The following TAB2 variants were observed in gnomAD, a reference collection of about 807,000 sequenced individuals.
TAB2 encodes TGF-beta activated kinase 1 (MAP3K7) binding protein 2, also known as TGF-beta-activated kinase 1 and MAP3K7-binding protein 2.
In TAB2, 3 loss-of-function variants were observed where a neutral mutation model predicts 65.0. That is an observed-to-expected ratio of 0.05 (90% confidence interval 0.02 to 0.12). The LOEUF (loss-of-function observed/expected upper bound fraction) is 0.12. TAB2 is among the 10% of genes least tolerant of loss of function. The probability of loss-of-function intolerance (pLI) is 1.00; values close to 1 mark genes in which losing one functional copy is unlikely to be tolerated. For synonymous variants in TAB2, 298 were observed against 285.1 expected (o/e 1.05, Z -0.46); for missense variants, 623 against 840.3 (o/e 0.74, Z 3.20).
At chr6:149,398,127 C>A in intron 5 of TAB2, 65 bp downstream of exon 5, 2 of 1,312,282 alleles carry the variant, frequency 1.5e-6, no homozygotes, top group Non-Finnish European at 2.2e-6. Context: ...TTTTCTGTGG[C>A]TAAAAACAGA....
At chr6:149,286,474 T>G (rs946922163) in intron 1 of TAB2, among the ~76,000 whole-genome samples, 2 of 152,218 alleles carry the variant, frequency 1.3e-5, no homozygotes, top group Non-Finnish European at 2.9e-5. Context: ...CCCATCATCT[T>G]TTGAAGCACT....
intron 1 of TAB2, among the ~76,000 whole-genome samples, chr6:149,256,100 A>G (rs1778026570): frequency 6.6e-6 from 1 of 152,246 alleles, no homozygotes; most frequent in Non-Finnish European, 1.5e-5. Flanking sequence ...AGACACTTCC[A>G]GAAAAGAACT....
At chr6:149,234,458 C>G (rs1336323012) in intron 1 of TAB2, among the ~76,000 whole-genome samples, 1 of 152,128 alleles carries the variant, frequency 6.6e-6, no homozygotes, top group East Asian at 1.9e-4. Context: ...TCACCCCGAG[C>G]TACTCACTGC....
intron 3 of TAB2, among the ~76,000 whole-genome samples, chr6:149,387,426 G>A (rs551246507): frequency 7.9e-5 from 12 of 152,228 alleles, no homozygotes; most frequent in Admixed American, 2.6e-4. Flanking sequence ...CCATAAATGC[G>A]TGGGTTCATT....
intron 1 of TAB2, chr6:149,321,186 C>T (rs1408685128): frequency 1.3e-5 from 2 of 152,138 alleles, no homozygotes; most frequent in Non-Finnish European, 2.9e-5. Flanking sequence ...CTATATATGT[C>T]ATCTTATTTA....
At chr6:149,364,122 T>A (rs1270666543) in intron 1 of TAB2, among the ~76,000 whole-genome samples, 1 of 152,220 alleles carries the variant, frequency 6.6e-6, no homozygotes, top group African/African-American at 2.4e-5. Flanking sequence ...TACCATTTCC[T>A]GGCTGAACTA....
Position 149,296,905 on chromosome 6 carries a change from T to C in TAB2, c.-121+78129T>C, listed in dbSNP as rs569225274. 2.6e-5 allele frequency among the ~76,000 whole-genome samples: 4 copies of C among 152,332 alleles called. No individual in the cohort carries two copies. The South Asian group carries it at 8.3e-4, about 32-fold the overall frequency. Reference sequence around the variant, plus strand: ...TTTTCATTATAGCACATTGTTATAATATCTTCTATTTTTTCCCTCTTGTTC... The same window carrying C: ...TTTTCATTATAGCACATTGTTATAACATCTTCTATTTTTTCCCTCTTGTTC... On this transcript the variant is annotated intron_variant, in intron 1 of 1. Coordinates refer to the TAB2 transcript ENST00000606202.
intron 1 of TAB2, among the ~76,000 whole-genome samples, chr6:149,286,770 A>G (rs1230681707): frequency 2.0e-5 from 3 of 152,228 alleles, no homozygotes; most frequent in Non-Finnish European, 4.4e-5. Context: ...AAGAATTATT[A>G]GCAGCACGAG....
At chr6:149,228,536 A>T (rs1777332777) in intron 1 of TAB2, among the ~76,000 whole-genome samples, 1 of 152,136 alleles carries the variant, frequency 6.6e-6, no homozygotes, top group Non-Finnish European at 1.5e-5. Context: ...GCTGCTACCC[A>T]CTGGCACCAC....
intron 1 of TAB2, among the ~76,000 whole-genome samples, chr6:149,224,406 A>G (rs1004693664): frequency 6.6e-6 from 1 of 152,198 alleles, no homozygotes; most frequent in African/African-American, 2.4e-5. Flanking sequence ...TCCTGGATCA[A>G]GTCAAATGGC....
chr6:149,404,684 G>C (rs1437690335), intron 6 of TAB2, among the ~76,000 whole-genome samples: 1 of 152,134 alleles, frequency 6.6e-6, no homozygotes, highest in Non-Finnish European at 1.5e-5. Flanking sequence ...TGGGGAAAGG[G>C]TAGTCTCTTC....
chr6:149,396,838 C>T (rs1782187971), intron 3 of TAB2, among the ~76,000 whole-genome samples: 3 of 152,246 alleles, frequency 2.0e-5, no homozygotes, highest in South Asian at 4.2e-4. Flanking sequence ...ATCAATCTGC[C>T]TGTTTTATTT....
intron 1 of TAB2, among the ~76,000 whole-genome samples, chr6:149,298,163 A>C (rs796328123): frequency 4.6e-5 from 7 of 152,346 alleles, no homozygotes; most frequent in African/African-American, 1.7e-4. Context: ...GATTATATTC[A>C]AAGCTACAAT....
chr6:149,279,352 T>C (rs1234702185), intron 1 of TAB2, among the ~76,000 whole-genome samples: 1 of 152,184 alleles, frequency 6.6e-6, no homozygotes, highest in Non-Finnish European at 1.5e-5. Context: ...CCTTAAATGT[T>C]GGTATTATCC....
chr6:149,374,799 A>T (rs1031201618), intron 2 of TAB2, among the ~76,000 whole-genome samples: 4 of 152,160 alleles, frequency 2.6e-5, no homozygotes, highest in African/African-American at 9.7e-5. Context: ...AATGAAATGC[A>T]GGGGAAATTG....
intron 1 of TAB2, among the ~76,000 whole-genome samples, chr6:149,280,489 A>C (rs563495556): frequency 6.6e-6 from 1 of 152,284 alleles, no homozygotes; most frequent in South Asian, 2.1e-4. Context: ...TCTCAAATAG[A>C]ATAACGCTGA....
At chr6:149,405,232 T>C (rs1472678545) in intron 6 of TAB2, among the ~76,000 whole-genome samples, 6 of 152,196 alleles carry the variant, frequency 3.9e-5, no homozygotes, top group East Asian at 1.9e-4. Context: ...TACAAACTTA[T>C]TGGAATGGTT....
chr6:149,233,293 C>A (rs1777439058), intron 1 of TAB2, among the ~76,000 whole-genome samples: 1 of 152,188 alleles, frequency 6.6e-6, no homozygotes, highest in African/African-American at 2.4e-5. Flanking sequence ...CCTCCCTCCG[C>A]TCAGTGTGCC....
At chr6:149,287,601 A>G (rs772411908) in intron 1 of TAB2, among the ~76,000 whole-genome samples, 11 of 152,190 alleles carry the variant, frequency 7.2e-5, no homozygotes, top group Non-Finnish European at 1.2e-4. Context: ...TGATGTATAT[A>G]TTAACTTCCT....
Sources: allele counts gnomAD v4.1 joint callset (sites outside exome capture counted in the v4.1 genomes callset), GRCh38; gene constraint gnomAD v4.1.1; transcripts MANE v1.5; gene names NCBI Gene and HGNC (gene_info 2026-07-23, HGNC 2026-07-21).